CACNA2D4: variants seen among roughly 807,000 people sequenced by gnomAD.
The protein encoded by CACNA2D4 is calcium voltage-gated channel auxiliary subunit alpha2delta 4, also known as voltage-dependent calcium channel subunit alpha-2/delta-4.
CACNA2D4 carries 157 observed loss-of-function variants against 163.8 expected under a neutral mutation model. The ratio of observed to expected loss-of-function variants is 0.96; its 90% CI spans 0.84 to 1.09. The LOEUF is 1.09. CACNA2D4 is among the 50% of genes least tolerant of loss of function. CACNA2D4 has a pLI of 0.00. For missense variants in CACNA2D4, 1,410 were observed against 1,479.9 expected, an observed-to-expected ratio of 0.95 and a Z score of 0.78; for synonymous variants, 598 against 586.9, an observed-to-expected ratio of 1.02 and a Z score of -0.27.
chr12:1,826,238 G>C (rs1369212110), intron 26 of CACNA2D4, among the ~76,000 whole-genome samples: 3 of 152,294 alleles, frequency 2.0e-5, no homozygotes, highest in Non-Finnish European at 4.4e-5. Context: ...TTTCCATGGT[G>C]ATGGGCACTG....
At chr12:1,849,164 C>T (rs1230210462) in intron 23 of CACNA2D4, among the ~76,000 whole-genome samples, 2 of 152,256 alleles carry the variant, frequency 1.3e-5, no homozygotes, top group Non-Finnish European at 2.9e-5. Context: ...GGCTGGGGCA[C>T]TTGCTGCGGT....
At chr12:1,826,400 G>GCCCCTC (rs1864318617) in intron 26 of CACNA2D4, among the ~76,000 whole-genome samples, 1 of 57,088 alleles carries the variant, frequency 1.8e-5, no homozygotes, top group Non-Finnish European at 4.0e-5. Flanking sequence ...TGAACCCAGA[G>GCCCCTC]CCCCCCCCCC....
At chr12:1,911,085 G>A (rs1207294651) in intron 3 of CACNA2D4, among the ~76,000 whole-genome samples, 3 of 147,658 alleles carry the variant, frequency 2.0e-5, no homozygotes, top group Non-Finnish European at 3.0e-5. Flanking sequence ...GTGTGGTGGT[G>A]CAATCTCGGC....
At chr12:1,823,896 G>C (rs189831918) in intron 26 of CACNA2D4, among the ~76,000 whole-genome samples, 1 of 152,190 alleles carries the variant, frequency 6.6e-6, no homozygotes, top group Non-Finnish European at 1.5e-5. Context: ...TGCCTTTCCT[G>C]TACAAGTAAC....
chr12:1,898,078 T>G (rs1470513804), intron 6 of CACNA2D4, among the ~76,000 whole-genome samples: 1 of 152,184 alleles, frequency 6.6e-6, no homozygotes, highest in Non-Finnish European at 1.5e-5. Flanking sequence ...TTTATCTACA[T>G]TCCCATATTT....
intron 29 of CACNA2D4, among the ~76,000 whole-genome samples, chr12:1,808,808 T>C (rs1863621483): frequency 6.6e-6 from 1 of 152,112 alleles, no homozygotes; most frequent in Admixed American, 6.5e-5. Flanking sequence ...CAACCACTGG[T>C]TTCAACTCTT....
In CACNA2D4 at chr12:1,792,838, CT is replaced by C. The variant is rs911101423; in HGVS notation, c.*816del. 1 of 152,178 alleles carries C rather than the reference CT, an allele frequency of 6.6e-6. No individual in the cohort carries two copies. The highest frequency in any genetic ancestry group is 1.5e-5 in the Non-Finnish European group (1 of 68,042). 9.4% of individuals were successfully genotyped at this position (152,178 alleles called of 1,614,324 possible). ...AGAGCACAACCACTGCTCTTTTTCA[CT>C]ATTTTACAGCTATTTTTGCCGTCCC... On this transcript the variant is annotated 3_prime_UTR_variant, in exon 38 of 38. Transcript: ENST00000382722.
In CACNA2D4 at chr12:1,834,682, C is replaced by T. The variant is rs149144369; in HGVS notation, c.2551+6057G>A. The T allele has an allele frequency of 1.6e-4, 260 of 1,601,804 alleles. 1 individual carries two copies. Among genetic ancestry groups the T allele is most frequent in the East Asian group, 9.4e-4 (42 of 44,836 alleles). The stretch of plus-strand genomic sequence containing the variant: ...AGCCCCTGATGGGGGACCCCGAGGG[C>T]GAGCACGAGGACCAGAAGCAGATCT... On this transcript the variant is annotated intron_variant, in intron 26 of 37. Transcript: ENST00000382722. This position sits in a 1 kb window ranked among gnomAD's most constrained non-coding sequence, Gnocchi z 7.6.
rs1863553701 is a variant in CACNA2D4 at position 1,806,811 on chromosome 12, A to G, written c.2721+3467T>C. ...AAATCTGCATCTCTAACAAGCTCCC[A>G]GATGCTGGGGCTTCTGTCCTTCAGC... On this transcript the variant is annotated intron_variant, in intron 29 of 37. Transcript: ENST00000382722. The surrounding 1 kb of genome is among the most constrained non-coding windows in gnomAD (Gnocchi z 4.1). Among the ~76,000 whole-genome samples, 1 of 152,128 alleles carries G rather than the reference A, an allele frequency of 6.6e-6. No individual in the cohort carries two copies. Among genetic ancestry groups the G allele is most frequent in the African/African-American group, 2.4e-5 (1 of 41,432 alleles).
chr12:1,815,596 C>T (rs376078781), intron 26 of CACNA2D4, among the ~76,000 whole-genome samples: 3 of 147,456 alleles, frequency 2.0e-5, no homozygotes, highest in East Asian at 1.9e-4. Flanking sequence ...TCCCCAGCAC[C>T]TAGAATCGTA....
At chr12:1,885,546 T>A (rs969514939) in intron 9 of CACNA2D4, among the ~76,000 whole-genome samples, 8 of 152,178 alleles carry the variant, frequency 5.3e-5, no homozygotes, top group Non-Finnish European at 2.9e-5. Context: ...TTTAAAAAAT[T>A]ATTGCCATGT....
In CACNA2D4 at chr12:1,878,949, G is replaced by A. The variant is rs1467208677; in HGVS notation, c.1644+7C>T. On this transcript the variant is annotated splice_region_variant and intron_variant, in intron 15 of 37. Transcript: ENST00000382722. This position sits in a 1 kb window ranked among gnomAD's most constrained non-coding sequence, Gnocchi z 4.6. ...GTGATCCCCACAGGGAACAGACCCAGGCTCACCTTGTACCGGGGCGCCAGC... is the reference window on the plus strand; with the variant it reads ...GTGATCCCCACAGGGAACAGACCCAAGCTCACCTTGTACCGGGGCGCCAGC... The A allele has an allele frequency of 1.2e-6, 2 of 1,613,046 alleles. No homozygotes were observed. The highest frequency in any genetic ancestry group is 2.7e-5 in the African/African-American group (2 of 74,906).
At chr12:1,839,249 G>A (rs1481088105) in intron 26 of CACNA2D4, among the ~76,000 whole-genome samples, 1 of 152,254 alleles carries the variant, frequency 6.6e-6, no homozygotes, top group Non-Finnish European at 1.5e-5. Flanking sequence ...CTGCGTTCAC[G>A]GAGCCAGGAT....
At position 1,844,513 on chromosome 12, in the gene CACNA2D4, C is replaced by T. The variant is rs747963046; in HGVS notation, c.2359G>A (p.Glu787Lys). Residue 787 changes from glutamate to lysine, a missense_variant, in exon 25 of 38, where the codon GAG becomes AAG. Coordinates refer to ENST00000382722, the MANE Select transcript of CACNA2D4 (RefSeq NM_172364.5). The surrounding 1 kb of genome is among the most constrained non-coding windows in gnomAD (Gnocchi z 4.2). ...KVSDRKFLTP[E>K]DEASVFTLDR... ...AGGGTGAACACGCTGGCCTCGTCCT[C>T]AGGTGTCAGGAACTTCCTGCAAGGA... is the stretch of plus-strand genomic sequence containing the variant. 1 of 1,612,942 alleles carries T rather than the reference C, an allele frequency of 6.2e-7. No individual in the cohort carries two copies. Among genetic ancestry groups the T allele is most frequent in the East Asian group, 2.2e-5 (1 of 44,864 alleles).
chr12:1,795,014 GACTAAGACCAAAC>G, intron 37 of CACNA2D4: 1 of 559,054 alleles, frequency 1.8e-6, no homozygotes, highest in South Asian at 2.5e-5. Flanking sequence ...AGGAACCAGG[GACTAAGACCAAAC>G]ACTATAACAA....
rs574513356 is a variant in CACNA2D4 at position 1,839,891 on chromosome 12, T to C, written c.2551+848A>G. On this transcript the variant is annotated intron_variant, in intron 26 of 37. Coordinates refer to ENST00000382722, the MANE Select transcript of CACNA2D4 (RefSeq NM_172364.5). ...GAAAAGACAGGTCTGGACTGAATTA[T>C]GGCATCCGATCCCCGCTAGTTGGGT... 3.9e-5 allele frequency among the ~76,000 whole-genome samples: 6 copies of C among 152,326 alleles called. No homozygotes were observed. The South Asian group carries it at 1.2e-3, about 32-fold the overall frequency.
intron 3 of CACNA2D4, among the ~76,000 whole-genome samples, chr12:1,912,496 C>T (rs1866851003): frequency 6.6e-6 from 1 of 152,148 alleles, no homozygotes; most frequent in African/African-American, 2.4e-5. Flanking sequence ...GCCCGGGTGG[C>T]CCTCAGAGCA....
rs1364822187 is a variant in CACNA2D4, at chr12:1,828,604, G to A, written c.2551+12135C>T. Among the ~76,000 whole-genome samples the A allele has an allele frequency of 6.6e-6, 1 of 152,226 alleles. No individual in the cohort carries two copies. Among genetic ancestry groups the A allele is most frequent in the Non-Finnish European group, 1.5e-5 (1 of 68,034 alleles). On this transcript the variant is annotated intron_variant, in intron 26 of 37. Transcript: ENST00000382722. The surrounding 1 kb of genome is among the most constrained non-coding windows in gnomAD (Gnocchi z 4.2). ...CGGCCTGTGTCACAGACTGCGGCGA[G>A]CCCTTTTGCTCCCGTGGGGAACTGC...
At chr12:1,884,196 C>G in intron 12 of CACNA2D4, 47 bp downstream of exon 12, 10 of 1,563,948 alleles carry the variant, frequency 6.4e-6, no homozygotes, top group Non-Finnish European at 8.8e-6. Context: ...ACCCTGTCTC[C>G]TGTGCTCAGG....
Sources: gnomAD v4.1 joint callset for allele counts (sites outside exome capture counted in the v4.1 genomes callset) on GRCh38, gnomAD v4.1.1 for gene constraint, Gnocchi (gnomAD v3.1) non-coding constraint, MANE v1.5 for transcripts, NCBI Gene and HGNC (gene_info 2026-07-23, HGNC 2026-07-21) for gene names.